Variants in AGBL1 observed in about 807,000 individuals in gnomAD.
AGBL1 encodes the protein AGBL carboxypeptidase 1.
AGBL1 carries 130 observed loss-of-function variants against 118.9 expected under a neutral mutation model. The observed-to-expected ratio is 1.09, with a 90% CI of 0.95 to 1.26. The LOEUF is 1.26. Ranked by LOEUF, AGBL1 falls within the 50% of genes most tolerant of loss-of-function variation. The pLI, the probability that AGBL1 is intolerant of heterozygous loss-of-function variation, is 0.00. For synonymous variants in AGBL1, 555 were observed against 478.9 expected (o/e 1.16, Z -2.08); for missense variants, 1,584 against 1,298.1 (o/e 1.22, Z -3.38).
At chr15:86,858,837 A>T (rs562953948) in intron 22 of AGBL1, among the ~76,000 whole-genome samples, 11 of 152,194 alleles carry the variant, frequency 7.2e-5, no homozygotes, top group African/African-American at 2.7e-4. Flanking sequence ...AGACTACTGC[A>T]TGTGGACTCC....
chr15:86,788,825 G>C (rs1050506326), intron 22 of AGBL1, among the ~76,000 whole-genome samples: 3 of 152,140 alleles, frequency 2.0e-5, no homozygotes, highest in Admixed American at 2.0e-4. Context: ...TGATGAGAAA[G>C]AATCAGACGT....
chr15:86,264,451 A>C lies in AGBL1; in HGVS notation c.1280A>C (p.His427Pro). 1 of 1,614,026 alleles carries C rather than the reference A, an allele frequency of 6.2e-7. No individual in the cohort carries two copies. Among genetic ancestry groups the C allele is most frequent in the South Asian group, 1.1e-5 (1 of 91,086 alleles). Reference protein sequence around the residue: ...CRVKTGRSTVHLGSKKNPGVN... With the variant: ...CRVKTGRSTVPLGSKKNPGVN... ...GTGAAGACGGGAAGGTCCACTGTGC[A>C]TCTAGGCTCCAAAAAAAATCCTGGA... is the stretch of plus-strand genomic sequence containing the variant. The change falls in exon 11 of 23, where the codon CAT (histidine) becomes CCT (proline). Residue 427 changes from histidine (H) to proline (P), a missense_variant. By Grantham distance (77) the His-to-Pro change is moderately conservative. Coordinates refer to ENST00000614907, the MANE Select transcript of AGBL1 (RefSeq NM_001386094.1).
chr15:86,660,134 C>G lies in AGBL1; in HGVS notation c.2995-14139C>G, dbSNP rs193076725. On this transcript the variant is annotated intron_variant, in intron 21 of 22. Coordinates refer to ENST00000614907, the MANE Select transcript of AGBL1 (RefSeq NM_001386094.1). Reference sequence around the variant, plus strand: ...TTTAGACCTACTCCCGCAAGAAAGACGGTTTCCTGCAGAAAATGTCAGTTT... The same window carrying G: ...TTTAGACCTACTCCCGCAAGAAAGAGGGTTTCCTGCAGAAAATGTCAGTTT... Among the ~76,000 whole-genome samples, 153 of 151,740 alleles carry G rather than the reference C, an allele frequency of 1.0e-3. 10 individuals carry two copies. Among genetic ancestry groups the G allele is most frequent in the Non-Finnish European group, 1.0e-4 (7 of 67,976 alleles).
intron 23 of AGBL1, among the ~76,000 whole-genome samples, chr15:86,963,152 T>C (rs987671226): frequency 2.6e-5 from 4 of 151,928 alleles, no homozygotes; most frequent in African/African-American, 9.7e-5. Flanking sequence ...TATTAGGAAA[T>C]AAGGAGAATG....
chr15:86,257,053 A>T (rs1169085469), intron 8 of AGBL1, 35 bp downstream of exon 8: 1 of 1,588,320 alleles, frequency 6.3e-7, no homozygotes, highest in Non-Finnish European at 8.6e-7. Context: ...CTTTAAGATG[A>T]GTTTTTGCAT....
chr15:86,988,065 G>A, exon 24 of AGBL1: 1 of 1,613,594 alleles, frequency 6.2e-7, no homozygotes, highest in East Asian at 2.2e-5. Flanking sequence ...TTTTCAAGAT[G>A]AACCTTCTTC....
intron 22 of AGBL1, among the ~76,000 whole-genome samples, chr15:86,765,327 A>G (rs1352079230): frequency 2.0e-5 from 3 of 151,998 alleles, no homozygotes; most frequent in Non-Finnish European, 4.4e-5. Context: ...ACACAGAGCT[A>G]TGCTAGACCC....
At chr15:86,840,738 C>T (rs575753407) in intron 22 of AGBL1, among the ~76,000 whole-genome samples, 2 of 152,156 alleles carry the variant, frequency 1.3e-5, no homozygotes, top group African/African-American at 2.4e-5. Context: ...CCACACCCGT[C>T]GCAAATGCAT....
chr15:86,561,151 T>G (rs968160216), intron 21 of AGBL1, among the ~76,000 whole-genome samples: 1 of 152,228 alleles, frequency 6.6e-6, no homozygotes, highest in Non-Finnish European at 1.5e-5. Context: ...TTAGATCCCA[T>G]TTGTCAATTT....
chr15:86,299,435 A>G (rs2079711546), intron 17 of AGBL1, among the ~76,000 whole-genome samples: 1 of 152,142 alleles, frequency 6.6e-6, no homozygotes, highest in South Asian at 2.1e-4. Context: ...CTTCCTAACT[A>G]GTAGGATTTG....
intron 22 of AGBL1, among the ~76,000 whole-genome samples, chr15:86,765,216 T>C (rs1193393871): frequency 6.6e-6 from 1 of 151,992 alleles, no homozygotes; most frequent in Non-Finnish European, 1.5e-5. Context: ...GGAAATTCCC[T>C]ATGTTCAGTT....
chr15:86,902,542 A>T (rs1810999146), intron 22 of AGBL1, among the ~76,000 whole-genome samples: 1 of 151,954 alleles, frequency 6.6e-6, no homozygotes, highest in South Asian at 2.1e-4. Context: ...ATTTCTTTTT[A>T]TTATTTATGT....
chr15:86,692,893 A>G (rs2086196891), intron 22 of AGBL1, among the ~76,000 whole-genome samples: 1 of 152,170 alleles, frequency 6.6e-6, no homozygotes, highest in South Asian at 2.1e-4. Flanking sequence ...TTCACTTAGA[A>G]TAATAATCTC....
Position 86,094,946 on chromosome 15 carries a change from A to G in AGBL1, c.51+14923A>G, listed in dbSNP as rs1173904456. ...ACTGCTTCTACTTCAGATGCCAATCACCTGAAACTTCCGACCAATTGGCTT... is the reference window on the plus strand; with the variant it reads ...ACTGCTTCTACTTCAGATGCCAATCGCCTGAAACTTCCGACCAATTGGCTT... On this transcript the variant is annotated intron_variant, in intron 1 of 22. Coordinates refer to ENST00000614907, the MANE Select transcript of AGBL1 (RefSeq NM_001386094.1). Among the ~76,000 whole-genome samples the G allele has an allele frequency of 2.6e-5, 4 of 152,318 alleles. No individual in the cohort carries two copies. In the East Asian group the frequency reaches 7.7e-4, roughly 29 times the overall value.
At chr15:86,523,734 C>T (rs1397544456) in intron 19 of AGBL1, among the ~76,000 whole-genome samples, 1 of 152,094 alleles carries the variant, frequency 6.6e-6, no homozygotes, top group Non-Finnish European at 1.5e-5. Context: ...TCTGGCACTG[C>T]CCCAGGGATT....
intron 5 of AGBL1, among the ~76,000 whole-genome samples, chr15:86,195,388 G>A (rs542928061): frequency 6.6e-6 from 1 of 152,254 alleles, no homozygotes; most frequent in South Asian, 2.1e-4. Flanking sequence ...TTCTGAAGGT[G>A]AGGTCATGTT....
chr15:86,968,250 C>T (rs192305290), intron 23 of AGBL1, among the ~76,000 whole-genome samples: 1 of 151,738 alleles, frequency 6.6e-6, no homozygotes, highest in Non-Finnish European at 1.5e-5. Flanking sequence ...ATCTCTTTGA[C>T]CTTCTAGGGG....
chr15:86,964,606 G>A (rs1047980957), intron 23 of AGBL1, among the ~76,000 whole-genome samples: 13 of 151,374 alleles, frequency 8.6e-5, no homozygotes, highest in Non-Finnish European at 1.9e-4. Flanking sequence ...GCTTGCCTAT[G>A]GTCACTTCTG....
intron 23 of AGBL1, among the ~76,000 whole-genome samples, chr15:86,977,016 G>A (rs529110439): frequency 2.0e-5 from 3 of 151,932 alleles, no homozygotes; most frequent in East Asian, 1.9e-4. Context: ...CTGTTTTGCT[G>A]TAAAGTGACA....
Sources: gnomAD v4.1 joint callset for allele counts (sites outside exome capture counted in the v4.1 genomes callset) on GRCh38, gnomAD v4.1.1 for gene constraint, MANE v1.5 for transcripts, NCBI Gene and HGNC (gene_info 2026-07-23, HGNC 2026-07-21) for gene names.